TTC28: variants seen among roughly 807,000 people sequenced by gnomAD.
TTC28 encodes the protein tetratricopeptide repeat domain 28.
Under a neutral mutation model 198.0 loss-of-function variants are expected in TTC28, and 61 were observed. That is an observed-to-expected ratio of 0.31 (90% CI 0.25 to 0.38). TTC28 has a LOEUF of 0.38. Among genes scored for constraint, TTC28 ranks in the 10% least tolerant of loss-of-function variants. The pLI, the probability that TTC28 is intolerant of heterozygous loss-of-function variation, is 1.00. For synonymous variants in TTC28, 1,171 were observed against 1,297.8 expected (o/e 0.90, Z 2.10); for missense variants, 2,678 against 3,164.0 (o/e 0.85, Z 3.69).
At chr22:28,518,706 A>G (rs1305836037) in intron 2 of TTC28, among the ~76,000 whole-genome samples, 1 of 152,240 alleles carries the variant, frequency 6.6e-6, no homozygotes, top group African/African-American at 2.4e-5. Flanking sequence ...ACACAGACAA[A>G]CTTATGTGGA....
chr22:28,074,068 G>A (rs1482107791), intron 12 of TTC28, among the ~76,000 whole-genome samples: 1 of 152,110 alleles, frequency 6.6e-6, no homozygotes, highest in Non-Finnish European at 1.5e-5. Flanking sequence ...AATCACAAAA[G>A]TACAAGCAAG....
At chr22:28,023,462 G>C (rs1336545588) in intron 13 of TTC28, among the ~76,000 whole-genome samples, 1 of 152,242 alleles carries the variant, frequency 6.6e-6, no homozygotes, top group Non-Finnish European at 1.5e-5. Context: ...AAGTGCTCAG[G>C]GATGGAGAGA....
intron 6 of TTC28, among the ~76,000 whole-genome samples, chr22:28,156,835 T>A (rs1943759221): frequency 6.6e-6 from 1 of 152,068 alleles, no homozygotes; most frequent in Admixed American, 6.5e-5. Context: ...TAGCTATAAG[T>A]GCCTACCTCA....
chr22:28,232,113 T>A (rs1220661640), intron 5 of TTC28, among the ~76,000 whole-genome samples: 1 of 152,160 alleles, frequency 6.6e-6, no homozygotes, highest in Non-Finnish European at 1.5e-5. Context: ...CACTTCTTCA[T>A]CCCACCCCTG....
chr22:28,131,551 C>G (rs943341250), intron 6 of TTC28, among the ~76,000 whole-genome samples: 1 of 152,164 alleles, frequency 6.6e-6, no homozygotes, highest in African/African-American at 2.4e-5. Context: ...CCACTTATCA[C>G]TAGCCTCGGA....
chr22:28,243,391 T>G (rs1284145028), intron 5 of TTC28, among the ~76,000 whole-genome samples: 1 of 149,934 alleles, frequency 6.7e-6, no homozygotes. Context: ...CAAAAAAACC[T>G]GGAGTTTTCA....
rs751217326 is a variant in TTC28, at chr22:27,999,241, G to A, written c.4418C>T (p.Pro1473Leu). The change falls in exon 16 of 23, where the codon CCG (proline) becomes CTG (leucine). Residue 1473 changes from proline to leucine, a missense_variant. By Grantham distance (98) the Pro-to-Leu change is moderately conservative (BLOSUM62 -3). Coordinates refer to ENST00000397906, the MANE Select transcript of TTC28 (RefSeq NM_001145418.2). ...VQSKSHLRKN[P>L]PTYSSSTSMA... Reference sequence around the variant, plus strand: ...GGATGTGGAGCTGGAGTATGTGGGCGGGTTCTTCCGTAAGTGAGACTAGGA... The same window carrying A: ...GGATGTGGAGCTGGAGTATGTGGGCAGGTTCTTCCGTAAGTGAGACTAGGA... The A allele has an allele frequency of 1.0e-5, 16 of 1,549,836 alleles. No homozygotes were observed. Among genetic ancestry groups the A allele is most frequent in the African/African-American group, 6.8e-5 (5 of 73,022 alleles).
intron 2 of TTC28, among the ~76,000 whole-genome samples, chr22:28,474,074 A>G (rs2048131523): frequency 6.6e-6 from 1 of 152,254 alleles, no homozygotes; most frequent in South Asian, 2.1e-4. Flanking sequence ...CCAGTTAAAC[A>G]TGACAGATTA....
intron 2 of TTC28, among the ~76,000 whole-genome samples, chr22:28,421,436 T>C (rs1015416892): frequency 2.0e-5 from 3 of 152,180 alleles, no homozygotes; most frequent in Admixed American, 6.5e-5. Context: ...AATCATTGTA[T>C]CATCAAAAGA....
At chr22:28,124,117 G>A (rs1215075747) in intron 6 of TTC28, among the ~76,000 whole-genome samples, 1 of 152,084 alleles carries the variant, frequency 6.6e-6, no homozygotes, top group Non-Finnish European at 1.5e-5. Context: ...TGTCTTCTGA[G>A]AATCACTGTT....
Position 27,996,509 on chromosome 22 carries a change from AAGG to A in TTC28, c.5120-253_5120-251del, listed in dbSNP as rs1937554971. 3 of 485,318 alleles carry A rather than the reference AAGG, an allele frequency of 6.2e-6. No homozygotes were observed. The Admixed American group carries it at 1.0e-4, about 17-fold the overall frequency. 30.1% of individuals were successfully genotyped at this position (485,318 alleles called of 1,614,324 possible). A position where few individuals can be genotyped will look rare whatever the true frequency, so the allele number is the denominator to read the frequency against. On this transcript the variant is annotated intron_variant, in intron 16 of 22. Transcript: ENST00000397906. Reference sequence around the variant, plus strand: ...TTAGTGGGGCCTGCTATTTTGCAGAAAGGAGCCGAGGGAAGTGCAGTAGGAAAA... The same window carrying A: ...TTAGTGGGGCCTGCTATTTTGCAGAAAGCCGAGGGAAGTGCAGTAGGAAAA...
At chr22:28,442,283 G>C (rs973103391) in intron 2 of TTC28, among the ~76,000 whole-genome samples, 2 of 152,114 alleles carry the variant, frequency 1.3e-5, no homozygotes, top group Non-Finnish European at 2.9e-5. Flanking sequence ...GCAATCGCAC[G>C]GGCCCACGAG....
At chr22:28,105,028 G>A (rs977836617) in intron 8 of TTC28, among the ~76,000 whole-genome samples, 7 of 152,158 alleles carry the variant, frequency 4.6e-5, no homozygotes, top group African/African-American at 1.7e-4. Flanking sequence ...CTGTCACTGA[G>A]AGAGTAAGAC....
At chr22:28,187,195 T>C (rs567041985) in intron 5 of TTC28, among the ~76,000 whole-genome samples, 23 of 152,226 alleles carry the variant, frequency 1.5e-4, no homozygotes, top group African/African-American at 5.1e-4. Flanking sequence ...GGAACTATCA[T>C]TGACCGAGGG....
chr22:28,193,338 A>C (rs540856391), intron 5 of TTC28, among the ~76,000 whole-genome samples: 1 of 152,246 alleles, frequency 6.6e-6, no homozygotes, highest in Non-Finnish European at 1.5e-5. Flanking sequence ...AAATATGCCA[A>C]ATTGTAAAGA....
chr22:28,387,913 C>G (rs1297993302), intron 2 of TTC28, among the ~76,000 whole-genome samples: 4 of 152,198 alleles, frequency 2.6e-5, no homozygotes, highest in African/African-American at 9.7e-5. Flanking sequence ...ACACGAAGTC[C>G]TTACCCATGC....
chr22:28,254,574 G>GA lies in TTC28; in HGVS notation c.933+41623dup, dbSNP rs202220372. 4.9e-3 allele frequency among the ~76,000 whole-genome samples: 729 copies of GA among 149,822 alleles called. 26 individuals carry two copies. In the South Asian group the frequency reaches 0.081, roughly 17 times the overall value. On this transcript the variant is annotated intron_variant, in intron 5 of 22. Coordinates refer to ENST00000397906, the MANE Select transcript of TTC28 (RefSeq NM_001145418.2). ...AAATGAAAGTCAATTAGAAGCCATT[G>GA]AAAAAAAAATGCTTCACTATGGTAG...
chr22:28,160,871 A>C (rs1188453570), intron 6 of TTC28, among the ~76,000 whole-genome samples: 1 of 152,208 alleles, frequency 6.6e-6, no homozygotes, highest in Non-Finnish European at 1.5e-5. Context: ...ATCAAAAGCC[A>C]ATGCAGAAGA....
In TTC28 at chr22:27,981,957, T is replaced by C. The variant is rs1937035497; in HGVS notation, c.*264A>G. The C allele has an allele frequency of 2.5e-6, 1 of 394,648 alleles. No homozygotes were observed. The highest frequency in any genetic ancestry group is 4.5e-6 in the Non-Finnish European group (1 of 223,774). The allele number at this position is 394,648 out of a possible 1,614,324, so 24.4% of individuals were successfully genotyped here. A position where few individuals can be genotyped will look rare whatever the true frequency, so the allele number is the denominator to read the frequency against. On this transcript the variant is annotated 3_prime_UTR_variant, in exon 23 of 23. Transcript: ENST00000397906. ...AGATGAGAAGCAGGGAGTTCAAAGG[T>C]AAACAAACATTTGGTGAAGTGTGTA...
Sources: gnomAD v4.1 joint callset for allele counts (sites outside exome capture counted in the v4.1 genomes callset) on GRCh38, gnomAD v4.1.1 for gene constraint, MANE v1.5 for transcripts, NCBI Gene and HGNC (gene_info 2026-07-23, HGNC 2026-07-21) for gene names.